The following ADGRL2 variants were observed in gnomAD, a reference collection of about 807,000 sequenced individuals.
The protein encoded by ADGRL2 is adhesion G protein-coupled receptor L2, also known as calcium-independent alpha-latrotoxin receptor 2.
In ADGRL2, 44 loss-of-function variants were observed where a neutral mutation model predicts 157.4. The ratio of observed to expected loss-of-function variants is 0.28; its 90% confidence interval spans 0.22 to 0.36. ADGRL2 has a LOEUF of 0.36. ADGRL2 is among the 10% of genes least tolerant of loss of function. ADGRL2 has a pLI of 1.00. For synonymous variants in ADGRL2, 585 were observed against 624.7 expected, an observed-to-expected ratio of 0.94 and a Z score of 0.95; for missense variants, 1,510 against 1,768.9, an observed-to-expected ratio of 0.85 and a Z score of 2.63.
At chr1:81,671,436 G>A (rs2148917546) in intron 3 of ADGRL2, among the ~76,000 whole-genome samples, 1 of 152,212 alleles carries the variant, frequency 6.6e-6, no homozygotes. Flanking sequence ...CAAACTTAAT[G>A]TGCACAGAAA....
chr1:81,775,157 C>G (rs898256203), intron 2 of ADGRL2, among the ~76,000 whole-genome samples: 13 of 151,898 alleles, frequency 8.6e-5, no homozygotes, highest in African/African-American at 2.9e-4. Context: ...TTTATCTGGT[C>G]CCCCATATTA....
At chr1:81,607,557 AG>A (rs150390836) in intron 3 of ADGRL2, among the ~76,000 whole-genome samples, 19,084 of 152,228 alleles carry the variant, frequency 0.13, 1,643 homozygotes, top group Non-Finnish European at 0.18. Context: ...GACACCAAAA[AG>A]TTCCAAGTTG....
chr1:81,788,733 T>G (rs2087179475), intron 2 of ADGRL2, among the ~76,000 whole-genome samples: 1 of 152,120 alleles, frequency 6.6e-6, no homozygotes, highest in African/African-American at 2.4e-5. Context: ...TTTTTTTTTT[T>G]GAGATGGAGT....
intron 2 of ADGRL2, among the ~76,000 whole-genome samples, chr1:81,895,828 G>C (rs1201914208): frequency 2.6e-5 from 4 of 152,088 alleles, no homozygotes; most frequent in African/African-American, 4.8e-5. Context: ...TACTCTGTTT[G>C]ATCTGGGAAA....
chr1:81,694,752 T>A (rs528954329), intron 3 of ADGRL2, among the ~76,000 whole-genome samples: 3 of 152,312 alleles, frequency 2.0e-5, no homozygotes, highest in South Asian at 4.1e-4. Flanking sequence ...CCCATTGTAA[T>A]GAATTACTGT....
At chr1:81,758,973 G>C (rs560000492) in intron 1 of ADGRL2, among the ~76,000 whole-genome samples, 1 of 152,120 alleles carries the variant, frequency 6.6e-6, no homozygotes, top group African/African-American at 2.4e-5. Context: ...CTACTCCTAA[G>C]GTTACAGGGC....
At chr1:81,741,131 A>G (rs1490607996) in intron 1 of ADGRL2, among the ~76,000 whole-genome samples, 4 of 151,710 alleles carry the variant, frequency 2.6e-5, no homozygotes, top group Admixed American at 2.6e-4. Flanking sequence ...AAAAAAAAAG[A>G]CAGATTATAG....
At chr1:81,740,403 T>A (rs1432979731) in intron 1 of ADGRL2, among the ~76,000 whole-genome samples, 1 of 152,216 alleles carries the variant, frequency 6.6e-6, no homozygotes, top group Non-Finnish European at 1.5e-5. Flanking sequence ...TGACATCTTA[T>A]GTTTGAGTTC....
At chr1:81,402,653 C>A (rs2076777869) in intron 1 of ADGRL2, among the ~76,000 whole-genome samples, 1 of 152,210 alleles carries the variant, frequency 6.6e-6, no homozygotes, top group South Asian at 2.1e-4. Context: ...ACTCAGGTTT[C>A]TCTTAAGTTG....
At chr1:81,353,448 A>G (rs1663057656) in intron 1 of ADGRL2, among the ~76,000 whole-genome samples, 1 of 152,186 alleles carries the variant, frequency 6.6e-6, no homozygotes, top group Non-Finnish European at 1.5e-5. Flanking sequence ...TGGGCCTCAG[A>G]GCACACCAGA....
At chr1:81,921,077 G>A (rs2094966898) in intron 3 of ADGRL2, among the ~76,000 whole-genome samples, 1 of 151,988 alleles carries the variant, frequency 6.6e-6, no homozygotes, top group Non-Finnish European at 1.5e-5. Context: ...TTTAGAAGTG[G>A]GCAGACATTC....
intron 3 of ADGRL2, among the ~76,000 whole-genome samples, chr1:81,623,635 C>CTTTT (rs752595573): frequency 1.0e-4 from 12 of 118,958 alleles, no homozygotes; most frequent in Admixed American, 1.9e-4. Flanking sequence ...TGATATCTTC[C>CTTTT]TTTTTTTTTT....
At chr1:81,580,998 C>T (rs1044419365) in intron 3 of ADGRL2, 1 of 152,132 alleles carries the variant, frequency 6.6e-6, no homozygotes, top group Non-Finnish European at 1.5e-5. Flanking sequence ...AACATTCCTT[C>T]CAAACAATTG....
intron 2 of ADGRL2, among the ~76,000 whole-genome samples, chr1:81,561,965 GTT>G (rs918294088): frequency 4.6e-5 from 7 of 152,056 alleles, no homozygotes; most frequent in African/African-American, 1.7e-4. Flanking sequence ...AAAAACAAAA[GTT>G]AGCATCATTT....
chr1:81,425,792 T>C (rs1347477629), intron 1 of ADGRL2, among the ~76,000 whole-genome samples: 1 of 152,048 alleles, frequency 6.6e-6, no homozygotes, highest in African/African-American at 2.4e-5. Context: ...CCAGAAACTA[T>C]AGGGGAGAAA....
intron 2 of ADGRL2, among the ~76,000 whole-genome samples, chr1:81,497,908 G>A (rs565469398): frequency 1.3e-4 from 20 of 152,296 alleles, no homozygotes; most frequent in Non-Finnish European, 8.8e-5. Flanking sequence ...CTTGACTGCT[G>A]ACAGAATAGG....
chr1:81,363,260 G>C (rs1231447800), intron 1 of ADGRL2, among the ~76,000 whole-genome samples: 1 of 152,050 alleles, frequency 6.6e-6, no homozygotes, highest in Non-Finnish European at 1.5e-5. Flanking sequence ...GAGGCTTTCT[G>C]TGATATTTCA....
chr1:81,317,334 C>T (rs922216657), intron 1 of ADGRL2, among the ~76,000 whole-genome samples: 1 of 152,178 alleles, frequency 6.6e-6, no homozygotes, highest in African/African-American at 2.4e-5. Flanking sequence ...TAATCCCATA[C>T]TGCATCTGGC....
At chr1:81,607,437 A>G (rs1488913118) in intron 3 of ADGRL2, among the ~76,000 whole-genome samples, 13 of 152,282 alleles carry the variant, frequency 8.5e-5, no homozygotes, top group South Asian at 2.1e-4. Context: ...GAAATATCCA[A>G]CCAGGCTTTT....
Sources: gnomAD v4.1 joint callset for allele counts (sites outside exome capture counted in the v4.1 genomes callset) on GRCh38, gnomAD v4.1.1 for gene constraint, MANE v1.5 for transcripts, NCBI Gene and HGNC (gene_info 2026-07-23, HGNC 2026-07-21) for gene names.